The following VKORC1L1 variants were observed in gnomAD, a reference collection of about 807,000 sequenced individuals.
The protein encoded by VKORC1L1 is vitamin K epoxide reductase complex subunit 1-like protein 1.
In VKORC1L1, 2 loss-of-function variants were observed where a neutral mutation model predicts 18.9. The observed-to-expected ratio is 0.11, with a 90% CI of 0.04 to 0.33. The LOEUF is 0.33. Ranked by LOEUF, VKORC1L1 falls within the 10% of genes least tolerant of loss-of-function variation. The pLI is 1.00. For synonymous variants in VKORC1L1, 96 were observed against 100.0 expected (o/e 0.96, Z 0.24); for missense variants, 123 against 224.1 (o/e 0.55, Z 2.88).
At chr7:65,935,699 CT>C (rs1443619687) in intron 1 of VKORC1L1, among the ~76,000 whole-genome samples, 1 of 152,072 alleles carries the variant, frequency 6.6e-6, no homozygotes, top group African/African-American at 2.4e-5. Flanking sequence ...CTTTCAAGGG[CT>C]TTTCTGTCTT....
In VKORC1L1 at chr7:65,873,469, C is replaced by G. The variant is rs766135550; in HGVS notation, c.98C>G (p.Ala33Gly). The change falls in exon 1 of 3, where the codon GCC becomes GGC. Residue 33 changes from alanine (A) to glycine (G), a missense_variant. Coordinates refer to ENST00000360768, the MANE Select transcript of VKORC1L1 (RefSeq NM_173517.6). ...CAAGILLSIY[A>G]YHVEREKERD... is the part of the protein sequence containing the mutation. ...GCCGGAATCCTGCTCTCCATCTACG[C>G]CTACCACGTGGAGCGGGAGAAGGAG... 1.9e-6 allele frequency: 3 copies of G among 1,597,226 alleles called. No individual in the cohort carries two copies. Among genetic ancestry groups the G allele is most frequent in the Non-Finnish European group, 1.7e-6 (2 of 1,173,104 alleles).
intron 1 of VKORC1L1, among the ~76,000 whole-genome samples, chr7:65,940,374 CAGA>C (rs750382090): frequency 2.6e-4 from 39 of 152,120 alleles, no homozygotes; most frequent in Non-Finnish European, 2.6e-4. Context: ...ATTATGATAG[CAGA>C]AGAAAGATAT....
intron 2 of VKORC1L1, among the ~76,000 whole-genome samples, chr7:65,950,327 T>C (rs1272150916): frequency 6.6e-6 from 1 of 152,224 alleles, no homozygotes; most frequent in Admixed American, 6.5e-5. Flanking sequence ...ACTTTTAGAG[T>C]TAAATCCATC....
chr7:65,898,531 G>T (rs888027851), intron 1 of VKORC1L1, among the ~76,000 whole-genome samples: 11 of 152,112 alleles, frequency 7.2e-5, no homozygotes, highest in Non-Finnish European at 1.6e-4. Context: ...ATCTCTATAG[G>T]CATATATTTG....
At chr7:65,902,061 C>A (rs1263753251) in intron 1 of VKORC1L1, among the ~76,000 whole-genome samples, 1 of 152,082 alleles carries the variant, frequency 6.6e-6, no homozygotes, top group African/African-American at 2.4e-5. Context: ...CAAAGTCCAG[C>A]CCTATTTAAA....
chr7:65,872,127 G>T (rs1788733185), upstream of VKORC1L1, among the ~76,000 whole-genome samples: 2 of 152,148 alleles, frequency 1.3e-5, no homozygotes, highest in Admixed American at 1.3e-4. Flanking sequence ...CCAAATTTAT[G>T]ATGCAATTTT....
rs1320399630 is a variant in VKORC1L1 at position 65,956,614 on chromosome 7, C to T, written c.*2314C>T. 1.3e-5 allele frequency: 2 copies of T among 152,178 alleles called. No individual in the cohort carries two copies. Among genetic ancestry groups the T allele is most frequent in the South Asian group, 2.1e-4 (1 of 4,834 alleles). The allele number at this position is 152,178 out of a possible 1,614,324, so 9.4% of individuals were successfully genotyped here. On this transcript the variant is annotated 3_prime_UTR_variant, in exon 3 of 3. Transcript: ENST00000360768. The stretch of plus-strand genomic sequence containing the variant: ...CCTTTTTCTCACTGAGAGAGGAACA[C>T]GTACTGCCTGTCATAACAGCATTGT...
At chr7:65,894,446 A>G (rs1301190955) in intron 1 of VKORC1L1, among the ~76,000 whole-genome samples, 1 of 152,218 alleles carries the variant, frequency 6.6e-6, no homozygotes, top group East Asian at 1.9e-4. Context: ...AAAAAATTCT[A>G]CTTAGAAATA....
intron 1 of VKORC1L1, among the ~76,000 whole-genome samples, chr7:65,912,626 G>A (rs1016571583): frequency 1.3e-5 from 2 of 152,168 alleles, no homozygotes; most frequent in Non-Finnish European, 2.9e-5. Context: ...TAGGTTTGTC[G>A]TGGCTCGTAC....
At chr7:65,948,832 T>C in intron 2 of VKORC1L1, 52 bp downstream of exon 2, 10 of 1,266,370 alleles carry the variant, frequency 7.9e-6, no homozygotes, top group Non-Finnish European at 1.1e-5. Context: ...TTTAGTACTT[T>C]GTGTCTTTGC....
chr7:65,950,072 A>G (rs1038470830), intron 2 of VKORC1L1, among the ~76,000 whole-genome samples: 1 of 152,080 alleles, frequency 6.6e-6, no homozygotes, highest in African/African-American at 2.4e-5. Context: ...TTTTTAAGAC[A>G]TGCTTTGTAA....
chr7:65,954,576 C>T lies in VKORC1L1; in HGVS notation c.*276C>T. 2.0e-6 allele frequency: 1 copy of T among 505,862 alleles called. No individual in the cohort carries two copies. The highest frequency in any genetic ancestry group is 3.3e-6 in the Non-Finnish European group (1 of 303,948). 31.3% of individuals were successfully genotyped at this position (505,862 alleles called of 1,614,324 possible). On this transcript the variant is annotated 3_prime_UTR_variant, in exon 3 of 3. Transcript: ENST00000360768. ...GTGTTTCTGAAATGATAAAATGTAG[C>T]CCTAGCCCCCTGCCCTCAATTGTAA...
intron 1 of VKORC1L1, among the ~76,000 whole-genome samples, chr7:65,930,099 TA>T (rs1478122612): frequency 6.6e-6 from 1 of 152,160 alleles, no homozygotes; most frequent in Non-Finnish European, 1.5e-5. Context: ...TAAAGAAACA[TA>T]ATTTTGATTT....
chr7:65,926,071 A>G (rs935719919), intron 1 of VKORC1L1, among the ~76,000 whole-genome samples: 6 of 152,046 alleles, frequency 3.9e-5, no homozygotes, highest in African/African-American at 9.7e-5. Flanking sequence ...TTATTCACCT[A>G]TGGTAACATA....
At chr7:65,936,101 T>C (rs1441466745) in intron 1 of VKORC1L1, among the ~76,000 whole-genome samples, 2 of 152,132 alleles carry the variant, frequency 1.3e-5, no homozygotes, top group Non-Finnish European at 2.9e-5. Flanking sequence ...GGATTTTTAA[T>C]TTCAGATCTT....
intron 1 of VKORC1L1, among the ~76,000 whole-genome samples, chr7:65,944,056 A>G (rs1790078995): frequency 6.6e-6 from 1 of 152,162 alleles, no homozygotes; most frequent in African/African-American, 2.4e-5. Flanking sequence ...CAGTGGGCGG[A>G]TCACTTGAGG....
At chr7:65,941,599 A>T (rs1790033817) in intron 1 of VKORC1L1, among the ~76,000 whole-genome samples, 1 of 147,742 alleles carries the variant, frequency 6.8e-6, no homozygotes, top group Non-Finnish European at 1.5e-5. Context: ...ATTCTGGGGG[A>T]GGAAGGGTAA....
At chr7:65,866,333 C>T in the VKORC1L1 span, among the ~76,000 whole-genome samples, 1 of 152,142 alleles carries the variant, frequency 6.6e-6, no homozygotes, top group Non-Finnish European at 1.5e-5. Flanking sequence ...CATGCACGTT[C>T]ATTAGCTCAA....
At chr7:65,931,310 T>G (rs1404023956) in intron 1 of VKORC1L1, among the ~76,000 whole-genome samples, 1 of 152,184 alleles carries the variant, frequency 6.6e-6, no homozygotes, top group African/African-American at 2.4e-5. Context: ...TGTGTACAAT[T>G]GGTATTACTT....
Sources: allele counts gnomAD v4.1 joint callset (sites outside exome capture counted in the v4.1 genomes callset), GRCh38; gene constraint gnomAD v4.1.1; transcripts MANE v1.5; gene names NCBI Gene and HGNC (gene_info 2026-07-23, HGNC 2026-07-21).